TMEM270: variants seen among roughly 807,000 people sequenced by gnomAD.
The protein encoded by TMEM270 is Williams-Beuren syndrome chromosome region 28.
A neutral mutation model predicts 29.9 loss-of-function variants in TMEM270; 30 were observed. The ratio of observed to expected loss-of-function variants is 1.00; its 90% confidence interval spans 0.75 to 1.36. The LOEUF (loss-of-function observed/expected upper bound fraction) is 1.36. TMEM270 is among the 40% of genes most tolerant of loss of function. TMEM270 has a pLI of 0.00. For synonymous variants in TMEM270, 135 were observed against 139.8 expected, an observed-to-expected ratio of 0.97 and a Z score of 0.24; for missense variants, 313 against 307.1, an observed-to-expected ratio of 1.02 and a Z score of -0.14.
rs782625237 is a variant in TMEM270 at position 73,865,378 on chromosome 7, G to A, written c.458G>A (p.Cys153Tyr). The A allele has an allele frequency of 7.4e-5, 120 of 1,613,442 alleles. No individual in the cohort carries two copies. The highest frequency in any genetic ancestry group is 9.8e-5 in the Non-Finnish European group (116 of 1,179,886). The change falls in exon 2 of 3, where the codon TGT (cysteine) becomes TAT (tyrosine). Residue 153 changes from cysteine (C) to tyrosine (Y), a missense_variant. By Grantham distance (194) the Cys-to-Tyr change is radical (BLOSUM62 -2). Coordinates refer to ENST00000320531, the MANE Select transcript of TMEM270 (RefSeq NM_182504.4). The stretch of plus-strand genomic sequence containing the variant: ...TTGGTGGTAGTGACCTGGAGGGTGT[G>A]TCAGAAGTCCCACTGCTTCCGACTG... ...LLLVVVTWRV[C>Y]QKSHCFRLGR...
Position 73,864,971 on chromosome 7 carries a change from G to C in TMEM270, c.73-22G>C, listed in dbSNP as rs574404510. The C allele has an allele frequency of 7.5e-5, 109 of 1,450,544 alleles. 1 individual carries two copies. In the South Asian group the frequency reaches 1.6e-3, roughly 22 times the overall value. 89.9% of individuals were successfully genotyped at this position (1,450,544 alleles called of 1,614,324 possible). A position where few individuals can be genotyped will look rare whatever the true frequency, so the allele number is the denominator to read the frequency against. On this transcript the variant is annotated intron_variant, in intron 1 of 2. Transcript: ENST00000320531. ...AGGAGGGTGATGATGGCTGACGGTT[G>C]TCTCTCTCTCTTCTTCTGCAGTTGG...
intron 1 of TMEM270, among the ~76,000 whole-genome samples, chr7:73,861,980 T>C (rs184023875): frequency 0.031 from 4,646 of 150,872 alleles, 209 homozygotes; most frequent in African/African-American, 0.11. Flanking sequence ...TTTTTTTTTT[T>C]GTATTTTTAG....
At position 73,865,598 on chromosome 7, in the gene TMEM270, G is replaced by T; in HGVS notation, c.523G>T (p.Val175Leu). 1 of 1,614,044 alleles carries T rather than the reference G, an allele frequency of 6.2e-7. No individual in the cohort carries two copies. ...CCAGGCCTTGCAAGTGAACTGCGTG[G>T]TAAGGAAGCTCCTGGTACAGCTGAG... ...LSKALQVNCV[V>L]RKLLVQLRRL... Residue 175 changes from valine (V) to leucine (L), a missense_variant, in exon 3 of 3, where the codon GTA (valine) becomes TTA (leucine). Val to Leu is a conservative substitution (Grantham distance 32). Coordinates refer to ENST00000320531, the MANE Select transcript of TMEM270 (RefSeq NM_182504.4).
intron 1 of TMEM270, among the ~76,000 whole-genome samples, chr7:73,861,945 C>T (rs1385336975): frequency 2.8e-4 from 43 of 150,890 alleles, no homozygotes; most frequent in Non-Finnish European, 5.5e-4. Context: ...ACTACAGGCA[C>T]GTGCCATCAT....
At chr7:73,862,463 T>A (rs1409190979) in intron 1 of TMEM270, among the ~76,000 whole-genome samples, 1 of 151,740 alleles carries the variant, frequency 6.6e-6, no homozygotes, top group Non-Finnish European at 1.5e-5. Flanking sequence ...TCAGTCACAC[T>A]TAGGAGGCCG....
At chr7:73,862,632 G>A (rs997155640) in intron 1 of TMEM270, among the ~76,000 whole-genome samples, 1 of 151,464 alleles carries the variant, frequency 6.6e-6, no homozygotes, top group African/African-American at 2.4e-5. Context: ...AGGCCGAGGC[G>A]GGCAGATCAC....
chr7:73,861,298 G>GC, intron 1 of TMEM270, 32 bp downstream of exon 1: 1 of 1,441,578 alleles, frequency 6.9e-7, no homozygotes, highest in Non-Finnish European at 9.7e-7. Context: ...GTGGGGTGGG[G>GC]ACCACACACC....
At chr7:73,861,785 AT>A (rs1441476426) in intron 1 of TMEM270, among the ~76,000 whole-genome samples, 1 of 149,724 alleles carries the variant, frequency 6.7e-6, no homozygotes, top group Non-Finnish European at 1.5e-5. Flanking sequence ...TGGGTGAATC[AT>A]TGTTTTTCCC....
At chr7:73,861,570 C>T (rs1554639281) in intron 1 of TMEM270, 1 of 531,726 alleles carries the variant, frequency 1.9e-6, no homozygotes, top group South Asian at 1.6e-5. Flanking sequence ...CCCCCTCAGC[C>T]TCCAAGTAGC....
In TMEM270 at chr7:73,865,209, C is replaced by T. The variant is rs782275815; in HGVS notation, c.289C>T (p.Leu97=). 6.2e-7 allele frequency: 1 copy of T among 1,613,768 alleles called. No individual in the cohort carries two copies. The highest frequency in any genetic ancestry group is 1.1e-5 in the South Asian group (1 of 91,078). The change falls in exon 2 of 3, where the codon CTG becomes TTG. Residue 97 remains leucine, a synonymous_variant. Coordinates refer to ENST00000320531, the MANE Select transcript of TMEM270 (RefSeq NM_182504.4). ...ATGGCTGGTGCTACAGGGACCCAGG[C>T]TGATGTGGGCTGGCATGTGGGGCAG... The part of the protein sequence containing the change: ...PVWLVLQGPR[L]MWAGMWGSTK...
chr7:73,861,603 C>G (rs1554639296), intron 1 of TMEM270: 1 of 422,676 alleles, frequency 2.4e-6, no homozygotes, highest in East Asian at 5.6e-5. Flanking sequence ...TGTGCACCAC[C>G]ACGCCTGACT....
intron 1 of TMEM270, chr7:73,861,488 C>T (rs375781954): frequency 2.6e-5 from 17 of 644,304 alleles, no homozygotes; most frequent in African/African-American, 1.6e-4. Flanking sequence ...CTCGCTCTGT[C>T]GCCCAGCCTG....
At chr7:73,864,896 T>G (rs1554639695) in intron 1 of TMEM270, 97 bp from the exon 2 acceptor site, 3 of 1,032,576 alleles carry the variant, frequency 2.9e-6, no homozygotes, top group Non-Finnish European at 3.9e-6. Flanking sequence ...AGAGTGAAAC[T>G]CCGTCTCAAA....
rs782678229 is a variant in TMEM270 at position 73,865,399 on chromosome 7, G to A, written c.479G>A (p.Arg160Gln). 21 of 1,611,936 alleles carry A rather than the reference G, an allele frequency of 1.3e-5. No individual in the cohort carries two copies. Among genetic ancestry groups the A allele is most frequent in the African/African-American group, 2.7e-5 (2 of 74,894 alleles). Residue 160 changes from arginine (R) to glutamine (Q), a missense_variant, in exon 2 of 3, where the codon CGA becomes CAA. Arg to Gln is a conservative substitution (Grantham distance 43). Coordinates refer to ENST00000320531, the MANE Select transcript of TMEM270 (RefSeq NM_182504.4). ...WRVCQKSHCFRLGRQLSKALQ... is the reference protein window; with the variant it reads ...WRVCQKSHCFQLGRQLSKALQ... The stretch of plus-strand genomic sequence containing the variant: ...GTGTGTCAGAAGTCCCACTGCTTCC[G>A]ACTGGGCAGGCAGCTCAGTAAGGTG...
chr7:73,863,928 A>G (rs1427262024), intron 1 of TMEM270, among the ~76,000 whole-genome samples: 1 of 152,052 alleles, frequency 6.6e-6, no homozygotes, highest in African/African-American at 2.4e-5. Flanking sequence ...GGATCGTAAC[A>G]TGGTAATAAT....
chr7:73,860,935 C>T (rs983973380), upstream of TMEM270, among the ~76,000 whole-genome samples: 6 of 152,198 alleles, frequency 3.9e-5, no homozygotes, highest in African/African-American at 9.7e-5. Context: ...GCATGAACCC[C>T]GTTCCTAGGC....
upstream of TMEM270, among the ~76,000 whole-genome samples, chr7:73,860,995 C>T (rs1352218183): frequency 6.6e-6 from 1 of 152,184 alleles, no homozygotes. Context: ...CCGAAGGAAG[C>T]TTTGCTCTAA....
chr7:73,864,439 AT>A (rs1788854381), intron 1 of TMEM270, among the ~76,000 whole-genome samples: 2 of 152,038 alleles, frequency 1.3e-5, no homozygotes, highest in Non-Finnish European at 1.5e-5. Context: ...TTAAAAAAAA[AT>A]ATCCAATGGA....
chr7:73,861,215 CA>C lies in TMEM270; in HGVS notation c.22del (p.Arg8AspfsTer76), dbSNP rs782761176. MEALPPVRSSLLGILLQV... is the reference protein window; with the variant it reads MEALPPVXSSLLGILLQV... ...CAGACATGGAGGCCCTTCCTCCAGT[CA>C]GATCCAGCCTTTTGGGGATCCTGTT... is the stretch of plus-strand genomic sequence containing the variant. On this transcript the variant is annotated frameshift_variant, in exon 1 of 3. Transcript: ENST00000320531. LOFTEE classifies it high-confidence loss of function. 6.2e-7 allele frequency: 1 copy of C among 1,613,322 alleles called. No homozygotes were observed. The highest frequency in any genetic ancestry group is 1.3e-5 in the African/African-American group (1 of 75,004).
Sources: allele counts gnomAD v4.1 joint callset (sites outside exome capture counted in the v4.1 genomes callset), GRCh38; gene constraint gnomAD v4.1.1; transcripts MANE v1.5; gene names NCBI Gene and HGNC (gene_info 2026-07-23, HGNC 2026-07-21).